The following ARSG variants were observed in gnomAD, a reference collection of about 807,000 sequenced individuals.
ARSG encodes ASG.
ARSG carries 37 observed loss-of-function variants against 50.5 expected under a neutral mutation model. The observed-to-expected ratio is 0.73, with a 90% CI of 0.56 to 0.96. ARSG has a LOEUF of 0.96. Among genes scored for constraint, ARSG ranks in the 50% least tolerant of loss-of-function variants. The probability of loss-of-function intolerance (pLI) is 0.00; values close to 1 mark genes in which losing one functional copy is unlikely to be tolerated. For missense variants in ARSG, 629 were observed against 675.3 expected (o/e 0.93, Z 0.76); for synonymous variants, 225 against 254.6 (o/e 0.88, Z 1.11).
At chr17:68,435,505 T>A in the ARSG span, 1 of 987,936 alleles carries the variant, frequency 1.0e-6, no homozygotes, top group South Asian at 1.4e-5. Context: ...AAATTCTGAG[T>A]GGGCCCAGAG....
intron 11 of ARSG, among the ~76,000 whole-genome samples, chr17:68,416,629 T>C (rs1311009610): frequency 6.6e-6 from 1 of 152,200 alleles, no homozygotes; most frequent in Non-Finnish European, 1.5e-5. Flanking sequence ...TCGTTTAACA[T>C]AATCCCAGCC....
rs752899556 is a variant in ARSG at position 68,420,260 on chromosome 17, G to A, written c.1375G>A (p.Glu459Lys). Residue 459 changes from glutamate (E) to lysine (K), a missense_variant, in exon 12 of 12, where the codon GAA (glutamate) becomes AAA (lysine). Coordinates refer to ENST00000621439, the MANE Select transcript of ARSG (RefSeq NM_001267727.2). ...QHKFPLIFNL[E>K]DDTAEAVPLE... ...TAAGTTTCCTCTGATTTTCAACCTG[G>A]AAGACGATACCGCAGAAGCTGTGCC... The A allele has an allele frequency of 2.5e-6, 4 of 1,614,142 alleles. No individual in the cohort carries two copies. The highest frequency in any genetic ancestry group is 3.4e-6 in the Non-Finnish European group (4 of 1,180,034).
intron 2 of ARSG, among the ~76,000 whole-genome samples, chr17:68,338,228 T>C (rs1180570137): frequency 6.6e-6 from 1 of 152,190 alleles, no homozygotes. Flanking sequence ...AGTGTGTGTG[T>C]GCGCGTGTGG....
upstream of ARSG, among the ~76,000 whole-genome samples, chr17:68,290,556 CGGT>C (rs543510192): frequency 2.6e-5 from 4 of 152,230 alleles, no homozygotes; most frequent in Non-Finnish European, 5.9e-5. Context: ...TGGGGACAAA[CGGT>C]GGCCGCCGCA....
intron 1 of ARSG, among the ~76,000 whole-genome samples, chr17:68,269,672 G>GGTTTTTTTTTT (rs2075268166): frequency 1.9e-5 from 1 of 54,010 alleles, no homozygotes; most frequent in Admixed American, 2.1e-4. Flanking sequence ...GTTCACTTTA[G>GGTTTTTTTTTT]GTTTTTTTTT....
chr17:68,334,001 C>A (rs2077903285), intron 2 of ARSG, among the ~76,000 whole-genome samples: 1 of 152,164 alleles, frequency 6.6e-6, no homozygotes, highest in Admixed American at 6.5e-5. Context: ...TGCAGTGTTT[C>A]TTCTAGCCTC....
the ARSG span, among the ~76,000 whole-genome samples, chr17:68,443,062 C>T: frequency 6.6e-6 from 1 of 152,208 alleles, no homozygotes; most frequent in African/African-American, 2.4e-5. Flanking sequence ...TCACAGAACT[C>T]CCTAACAGCC....
chr17:68,423,866 T>C (rs898558402), downstream of ARSG, among the ~76,000 whole-genome samples: 5 of 152,228 alleles, frequency 3.3e-5, no homozygotes, highest in Non-Finnish European at 7.3e-5. This position sits in a 1 kb window ranked among gnomAD's most constrained non-coding sequence, Gnocchi z 4.4. Context: ...GTTGCAAGGC[T>C]TACTGCGATT....
At chr17:68,427,142 C>T (rs1344671137), downstream of ARSG, 5 of 1,613,586 alleles carry the variant, frequency 3.1e-6, no homozygotes, top group Middle Eastern at 1.6e-4. Flanking sequence ...CACCTGGCAC[C>T]GTGGAGGCTG....
chr17:68,450,602 T>C, the ARSG span: 2 of 1,278,200 alleles, frequency 1.6e-6, no homozygotes, highest in East Asian at 4.9e-5. Context: ...ACACGGGGCC[T>C]GAGTGTTAAC....
At position 68,419,286 on chromosome 17, in the gene ARSG, T is replaced by C. The variant is rs138215492; in HGVS notation, c.1304-903T>C. 6.5e-3 allele frequency among the ~76,000 whole-genome samples: 986 copies of C among 152,264 alleles called. 12 individuals are homozygous for C. Among genetic ancestry groups the C allele is most frequent in the African/African-American group, 0.023 (948 of 41,556 alleles). ...CTTTAAAAAATTATATCCTGGCTGG[T>C]GTGGTGGCTCACGCCTGTAATCCCA... is the stretch of plus-strand genomic sequence containing the variant. On this transcript the variant is annotated intron_variant, in intron 11 of 11. Coordinates refer to ENST00000621439, the MANE Select transcript of ARSG (RefSeq NM_001267727.2).
chr17:68,424,970 A>G (rs1003460952), downstream of ARSG, among the ~76,000 whole-genome samples: 1 of 152,232 alleles, frequency 6.6e-6, no homozygotes, highest in Non-Finnish European at 1.5e-5. Flanking sequence ...AGAGCGGTCT[A>G]TATGTTACTC....
chr17:68,358,360 C>T (rs2079127748), intron 6 of ARSG, among the ~76,000 whole-genome samples: 1 of 151,892 alleles, frequency 6.6e-6, no homozygotes, highest in Non-Finnish European at 1.5e-5. Context: ...CCAGACTAGC[C>T]TGGACAACCT....
chr17:68,303,873 A>G (rs2076510631), intron 1 of ARSG, among the ~76,000 whole-genome samples: 2 of 152,234 alleles, frequency 1.3e-5, no homozygotes, highest in Admixed American at 1.3e-4. Context: ...AAATGGGGAA[A>G]GGATTAAATG....
At chr17:68,431,773 T>C in the ARSG span, among the ~76,000 whole-genome samples, 390 of 8,932 alleles carry the variant, frequency 0.044, 5 homozygotes, top group Non-Finnish European at 0.041. Flanking sequence ...CGTGGACAGG[T>C]TGAGCGGAGA....
chr17:68,426,319 G>A (rs2083192321), downstream of ARSG: 3 of 682,060 alleles, frequency 4.4e-6, no homozygotes, highest in Admixed American at 4.8e-5. Flanking sequence ...CTGTGCCTAG[G>A]ACAAGTCATA....
At chr17:68,277,627 G>A (rs782140357) in intron 1 of ARSG, among the ~76,000 whole-genome samples, 7 of 152,024 alleles carry the variant, frequency 4.6e-5, no homozygotes, top group East Asian at 3.9e-4. Flanking sequence ...ATGGGGTTTC[G>A]CCATGTTGGC....
At chr17:68,331,173 CAG>C (rs1402917078) in intron 2 of ARSG, among the ~76,000 whole-genome samples, 1 of 148,764 alleles carries the variant, frequency 6.7e-6, no homozygotes, top group Non-Finnish European at 1.5e-5. Flanking sequence ...TTAGCAAAGA[CAG>C]GGTTTCTTTC....
the ARSG span, chr17:68,434,760 G>A: frequency 1.4e-4 from 117 of 819,990 alleles, 2 homozygotes; most frequent in African/African-American, 1.5e-3. Context: ...TGAGCATAGA[G>A]GCATGTTTAT....
Sources: allele counts gnomAD v4.1 joint callset (sites outside exome capture counted in the v4.1 genomes callset), GRCh38; gene constraint gnomAD v4.1.1; non-coding constraint Gnocchi (gnomAD v3.1); transcripts MANE v1.5; gene names NCBI Gene and HGNC (gene_info 2026-07-23, HGNC 2026-07-21).